PHF20L1: variants seen among roughly 807,000 people sequenced by gnomAD.
PHF20L1 encodes PHD finger protein 20-like protein 1.
In PHF20L1, 44 loss-of-function variants were observed where a neutral mutation model predicts 125.5. The observed-to-expected ratio is 0.35, with a 90% CI of 0.28 to 0.45. The LOEUF (loss-of-function observed/expected upper bound fraction) is 0.45, where lower values mean the gene tolerates loss of function less well. PHF20L1 is among the 20% of genes least tolerant of loss of function. PHF20L1 has a pLI of 1.00. For synonymous variants in PHF20L1, 380 were observed against 403.1 expected (o/e 0.94, Z 0.69); for missense variants, 1,012 against 1,217.2 (o/e 0.83, Z 2.51).
intron 8 of PHF20L1, chr8:132,808,151 G>C (rs1373707274): frequency 2.0e-5 from 3 of 152,358 alleles, no homozygotes; most frequent in African/African-American, 7.2e-5. Flanking sequence ...TGTAAAGCAT[G>C]AAAAAACTTT....
intron 5 of PHF20L1, 61 bp from the exon 6 acceptor site, chr8:132,799,034 T>G (rs1832731882): frequency 7.0e-7 from 1 of 1,425,340 alleles, no homozygotes; most frequent in Non-Finnish European, 9.8e-7. Flanking sequence ...AATTATACAT[T>G]TGATTTTTGC....
At chr8:132,817,308 A>G in intron 11 of PHF20L1, 31 bp from the exon 12 acceptor site, 3 of 1,557,490 alleles carry the variant, frequency 1.9e-6, no homozygotes, top group Non-Finnish European at 2.7e-6. Context: ...TATCTGTGTT[A>G]ATATTACATT....
intron 6 of PHF20L1, among the ~76,000 whole-genome samples, chr8:132,801,871 A>ATT (rs1439292845): frequency 5.2e-4 from 79 of 151,736 alleles, no homozygotes; most frequent in African/African-American, 1.8e-3. Context: ...TTAAAAACAT[A>ATT]TTTAAATTTA....
chr8:132,779,031 G>A (rs1212696628), intron 2 of PHF20L1, among the ~76,000 whole-genome samples: 2 of 152,242 alleles, frequency 1.3e-5, no homozygotes. Flanking sequence ...ATATTTGACT[G>A]TATAGACCAG....
At chr8:132,835,358 C>G (rs1004063442) in intron 15 of PHF20L1, among the ~76,000 whole-genome samples, 4 of 152,044 alleles carry the variant, frequency 2.6e-5, no homozygotes, top group Non-Finnish European at 5.9e-5. Context: ...CAGGAGCTCA[C>G]ACAGCATTAT....
At chr8:132,800,215 A>T (rs965426954) in intron 6 of PHF20L1, among the ~76,000 whole-genome samples, 2 of 151,688 alleles carry the variant, frequency 1.3e-5, no homozygotes, top group Non-Finnish European at 3.0e-5. Context: ...ATTGGATGTT[A>T]TGGATGTTTG....
intron 6 of PHF20L1, 95 bp downstream of exon 6, chr8:132,799,267 A>G (rs1832764205): frequency 1.5e-6 from 1 of 663,038 alleles, no homozygotes; most frequent in African/African-American, 1.8e-5. Context: ...ATTTACATTG[A>G]GTTCTTATCT....
intron 2 of PHF20L1, among the ~76,000 whole-genome samples, chr8:132,789,961 C>T (rs1411150131): frequency 6.6e-6 from 1 of 152,114 alleles, no homozygotes; most frequent in Non-Finnish European, 1.5e-5. Flanking sequence ...TCATTGTTAT[C>T]GGCATCTTAT....
intron 9 of PHF20L1, chr8:132,812,630 A>G (rs1834525800): frequency 1.0e-6 from 1 of 984,744 alleles, no homozygotes; most frequent in Admixed American, 6.2e-5. Context: ...TCTACTTGTC[A>G]TTCAGGTTGA....
At chr8:132,797,238 A>G (rs956748370) in intron 4 of PHF20L1, among the ~76,000 whole-genome samples, 1 of 152,102 alleles carries the variant, frequency 6.6e-6, no homozygotes, top group Non-Finnish European at 1.5e-5. Flanking sequence ...CCCCACCTTG[A>G]CAAAAATCAG....
intron 8 of PHF20L1, 132 bp downstream of exon 8, chr8:132,804,872 T>C (rs1833503500): frequency 2.6e-6 from 2 of 775,594 alleles, no homozygotes; most frequent in Non-Finnish European, 4.1e-6. Flanking sequence ...AATTACTTTG[T>C]GGTTCTTCAA....
In PHF20L1 at chr8:132,839,383, G is replaced by A; in HGVS notation, c.2192-4G>A. ...CTGTGATTTAATATCAACTTCATCT[G>A]CAGGTCAGAGGTGGAGTGCAAAATA... On this transcript the variant is annotated splice_polypyrimidine_tract_variant and splice_region_variant and intron_variant, in intron 17 of 20. Transcript: ENST00000395386. 2 of 1,605,760 alleles carry A rather than the reference G, an allele frequency of 1.2e-6. No homozygotes were observed. The highest frequency in any genetic ancestry group is 1.1e-5 in the South Asian group (1 of 90,802).
chr8:132,835,388 G>C lies in PHF20L1; in HGVS notation c.1910-1152G>C, dbSNP rs1467279232. On this transcript the variant is annotated intron_variant, in intron 15 of 20. Transcript: ENST00000395386. ...CATTATACGATGTTCTGTTTCTCAT[G>C]ATGACTCAGTTTTCCTAACATTTCT... Among the ~76,000 whole-genome samples, 6 of 152,104 alleles carry C rather than the reference G, an allele frequency of 3.9e-5. 1 individual carries two copies. Among genetic ancestry groups the C allele is most frequent in the Admixed American group, 6.6e-5 (1 of 15,254 alleles).
At chr8:132,803,621 A>T in intron 6 of PHF20L1, 198 bp from the exon 7 acceptor site, 2 of 528,986 alleles carry the variant, frequency 3.8e-6, no homozygotes, top group Non-Finnish European at 3.3e-6. Context: ...ATGAGAGGTT[A>T]TGCAATCTAA....
At chr8:132,811,171 G>T (rs759362190) in intron 9 of PHF20L1, 43 bp downstream of exon 9, 13 of 1,609,498 alleles carry the variant, frequency 8.1e-6, no homozygotes, top group Non-Finnish European at 1.1e-5. Flanking sequence ...GTTCCCACTG[G>T]AATGATCACG....
At chr8:132,817,277 G>A in intron 11 of PHF20L1, 62 bp from the exon 12 acceptor site, 1 of 1,355,004 alleles carries the variant, frequency 7.4e-7, no homozygotes, top group East Asian at 2.3e-5. Flanking sequence ...TTAATTCACA[G>A]TGATAGTAAC....
intron 2 of PHF20L1, among the ~76,000 whole-genome samples, chr8:132,778,396 C>G (rs754834869): frequency 6.6e-6 from 1 of 152,180 alleles, no homozygotes; most frequent in Non-Finnish European, 1.5e-5. Context: ...TATTCATTAT[C>G]TCACCTAAAA....
intron 14 of PHF20L1, among the ~76,000 whole-genome samples, chr8:132,831,750 G>A (rs1836803430): frequency 6.6e-6 from 1 of 151,912 alleles, no homozygotes; most frequent in African/African-American, 2.4e-5. Context: ...TGTTACACAG[G>A]TAAATGTGTG....
chr8:132,812,177 T>C (rs988587273), intron 9 of PHF20L1: 9 of 981,256 alleles, frequency 9.2e-6, no homozygotes, highest in Middle Eastern at 5.2e-4. Flanking sequence ...CAACCAAATT[T>C]TAAATAACTT....
Sources: allele counts gnomAD v4.1 joint callset (sites outside exome capture counted in the v4.1 genomes callset), GRCh38; gene constraint gnomAD v4.1.1; transcripts MANE v1.5; gene names NCBI Gene and HGNC (gene_info 2026-07-23, HGNC 2026-07-21).